Variants in TFB1M observed in about 807,000 individuals in gnomAD.
The protein encoded by TFB1M is dimethyladenosine transferase 1, mitochondrial.
In TFB1M, 27 loss-of-function variants were observed where a neutral mutation model predicts 31.1. The ratio of observed to expected loss-of-function variants is 0.87; its 90% CI spans 0.64 to 1.20. TFB1M has a LOEUF of 1.20. TFB1M is among the 50% of genes most tolerant of loss of function. The pLI is 0.00. For missense variants in TFB1M, 394 were observed against 418.7 expected, an observed-to-expected ratio of 0.94 and a Z score of 0.51; for synonymous variants, 166 against 151.8, an observed-to-expected ratio of 1.09 and a Z score of -0.69.
Position 155,298,694 on chromosome 6 carries a change from AG to A in TFB1M, c.286-110del. 5.4e-6 allele frequency: 4 copies of A among 736,668 alleles called. No homozygotes were observed. The Admixed American group carries it at 8.2e-5, about 15-fold the overall frequency. 45.6% of individuals were successfully genotyped at this position (736,668 alleles called of 1,614,324 possible). A position where few individuals can be genotyped will look rare whatever the true frequency, so the allele number is the denominator to read the frequency against. ...AAATCAGTTAAAAAAGTCAGAGACCAGGGGTGATCATTAATGAACAAATACT... is the reference window on the plus strand; with the variant it reads ...AAATCAGTTAAAAAAGTCAGAGACCAGGGTGATCATTAATGAACAAATACT... On this transcript the variant is annotated intron_variant, in intron 2 of 6. Coordinates refer to ENST00000367166, the MANE Select transcript of TFB1M (RefSeq NM_016020.4).
the TFB1M span, chr6:155,250,491 T>A: frequency 6.9e-7 from 1 of 1,441,214 alleles, no homozygotes; most frequent in Non-Finnish European, 9.4e-7. Flanking sequence ...GGACTGGAGA[T>A]CAGTCCTTCA....
At chr6:155,254,036 A>C (rs1783847546), downstream of TFB1M, 1 of 1,614,182 alleles carries the variant, frequency 6.2e-7, no homozygotes, top group Non-Finnish European at 8.5e-7. Flanking sequence ...GGACGGCCAG[A>C]AACCATCTTT....
chr6:155,292,095 C>G (rs1161897299), intron 4 of TFB1M, among the ~76,000 whole-genome samples: 1 of 152,130 alleles, frequency 6.6e-6, no homozygotes, highest in Non-Finnish European at 1.5e-5. Flanking sequence ...GATGCCCGGC[C>G]TGAAGAGGAC....
intron 5 of TFB1M, 152 bp downstream of exon 5, chr6:155,285,006 T>C (rs1483769901): frequency 7.4e-6 from 7 of 940,362 alleles, no homozygotes; most frequent in Middle Eastern, 3.0e-4. Flanking sequence ...CTATTCATAT[T>C]ACGATTTTTG....
At chr6:155,309,817 T>C (rs1379665646) in intron 2 of TFB1M, among the ~76,000 whole-genome samples, 1 of 152,170 alleles carries the variant, frequency 6.6e-6, no homozygotes, top group African/African-American at 2.4e-5. Context: ...CTCCAACTTA[T>C]ATATAATTCT....
intron 2 of TFB1M, chr6:155,310,962 GT>G: frequency 3.6e-6 from 2 of 558,484 alleles, no homozygotes; most frequent in Non-Finnish European, 6.4e-6. Flanking sequence ...CTTAAAGCAG[GT>G]TTTTTTCAAG....
At position 155,298,506 on chromosome 6, in the gene TFB1M, GA is replaced by G; in HGVS notation, c.364del (p.Ser122GlnfsTer29). 1 of 1,611,690 alleles carries G rather than the reference GA, an allele frequency of 6.2e-7. No homozygotes were observed. Among genetic ancestry groups the G allele is most frequent in the Non-Finnish European group, 8.5e-7 (1 of 1,178,066 alleles). On this transcript the variant is annotated frameshift_variant, in exon 3 of 7. Transcript: ENST00000367166. LOFTEE classifies it high-confidence loss of function. ...TTCCCAGGGTCTTTTAAGACTTTCT[GA>G]AAAAGCCTTTTCTACCTTAAATGTC... is the stretch of plus-strand genomic sequence containing the variant. ...VLTFKVEKAF[S>X]ESLKRPWEDD...
chr6:155,298,749 T>G (rs1461420035), intron 2 of TFB1M, among the ~76,000 whole-genome samples, 164 bp from the exon 3 acceptor site: 1 of 152,208 alleles, frequency 6.6e-6, no homozygotes, highest in Non-Finnish European at 1.5e-5. Context: ...CAGACAATGG[T>G]GGCGTTTCAT....
At chr6:155,264,631 GT>G (rs777088910) in intron 5 of TFB1M, among the ~76,000 whole-genome samples, 108 of 152,058 alleles carry the variant, frequency 7.1e-4, no homozygotes, top group African/African-American at 2.5e-3. Context: ...ACAGATCTTT[GT>G]TTTTTTCTCT....
intron 2 of TFB1M, among the ~76,000 whole-genome samples, chr6:155,298,899 A>G (rs1777302638): frequency 6.6e-6 from 1 of 152,206 alleles, no homozygotes; most frequent in African/African-American, 2.4e-5. Flanking sequence ...ACTCCTATCA[A>G]TAAGTTTTTA....
At chr6:155,247,943 A>T in the TFB1M span, 1 of 1,544,338 alleles carries the variant, frequency 6.5e-7, no homozygotes, top group Admixed American at 2.0e-5. Flanking sequence ...AAGAGAAATG[A>T]AGAATTTAAT....
At chr6:155,251,852 G>A (rs3011899), downstream of TFB1M, 950,673 of 961,420 alleles carry the variant, frequency 0.99, 470,179 homozygotes, top group East Asian at 1. Context: ...CATACGTTTG[G>A]AGAGTGTTAC....
Position 155,304,702 on chromosome 6 carries a change from A to C in TFB1M, c.286-6117T>G, listed in dbSNP as rs555815866. ...TTGTCAGAAACTTTTTGCAATGCAA[A>C]AAGTTTGTCAGAAACAATGCAAGTG... On this transcript the variant is annotated intron_variant, in intron 2 of 6. Transcript: ENST00000367166. 1.5e-4 allele frequency among the ~76,000 whole-genome samples: 23 copies of C among 152,098 alleles called. No homozygotes were observed. In the East Asian group the frequency reaches 4.4e-3, roughly 29 times the overall value.
chr6:155,247,785 G>A, the TFB1M span, among the ~76,000 whole-genome samples: 2 of 152,172 alleles, frequency 1.3e-5, no homozygotes, highest in African/African-American at 4.8e-5. Flanking sequence ...TTCCATCCTC[G>A]GAAGCTCCCA....
chr6:155,256,934 A>C lies in TFB1M; in HGVS notation c.*902T>G. 1 of 1,614,200 alleles carries C rather than the reference A, an allele frequency of 6.2e-7. No individual in the cohort carries two copies. Among genetic ancestry groups the C allele is most frequent in the Non-Finnish European group, 8.5e-7 (1 of 1,180,044 alleles). On this transcript the variant is annotated 3_prime_UTR_variant, in exon 7 of 7. Coordinates refer to ENST00000367166, the MANE Select transcript of TFB1M (RefSeq NM_016020.4). Reference sequence around the variant, plus strand: ...TTCTGCCCCATTAAACGAAAAGCCAACAGCACCAAGAGGGACAGAGGAACT... The same window carrying C: ...TTCTGCCCCATTAAACGAAAAGCCACCAGCACCAAGAGGGACAGAGGAACT...
chr6:155,269,683 A>C (rs1399449145), intron 5 of TFB1M, among the ~76,000 whole-genome samples: 2 of 152,196 alleles, frequency 1.3e-5, no homozygotes, highest in Non-Finnish European at 2.9e-5. Flanking sequence ...TAAGTATTAT[A>C]GCACCTTAAA....
intron 2 of TFB1M, among the ~76,000 whole-genome samples, chr6:155,305,423 A>G (rs1478051507): frequency 3.2e-5 from 1 of 31,346 alleles, no homozygotes; most frequent in Non-Finnish European, 5.0e-5. Flanking sequence ...TAAATTATAT[A>G]TTTATATATA....
chr6:155,305,151 AATATATATTAAATTATATATTTAT>A (rs1171011944), intron 2 of TFB1M, among the ~76,000 whole-genome samples: 16 of 107,108 alleles, frequency 1.5e-4, no homozygotes, highest in African/African-American at 2.7e-4. Context: ...TATATATATA[AATATATATTAAATTATATATTTAT>A]ATATATATTA....
chr6:155,259,181 C>A (rs1004530048), intron 6 of TFB1M, among the ~76,000 whole-genome samples: 14 of 152,190 alleles, frequency 9.2e-5, no homozygotes, highest in African/African-American at 3.4e-4. Flanking sequence ...GTGGGTCCTG[C>A]TCTGCGTGAG....
Sources: gnomAD v4.1 joint callset for allele counts (sites outside exome capture counted in the v4.1 genomes callset) on GRCh38, gnomAD v4.1.1 for gene constraint, MANE v1.5 for transcripts, NCBI Gene and HGNC (gene_info 2026-07-23, HGNC 2026-07-21) for gene names.